Variants in IDI2 observed in about 807,000 individuals in gnomAD.
IDI2 encodes the protein isopentenyl-diphosphate delta isomerase 2.
A neutral mutation model predicts 14.8 loss-of-function variants in IDI2; 18 were observed. That is an observed-to-expected ratio of 1.22 (90% CI 0.84 to 1.80). The LOEUF (loss-of-function observed/expected upper bound fraction) is 1.80. Ranked by LOEUF, IDI2 falls within the 40% of genes most tolerant of loss-of-function variation. The pLI is 0.00. For synonymous variants in IDI2, 133 were observed against 109.6 expected, an observed-to-expected ratio of 1.21 and a Z score of -1.33; for missense variants, 316 against 283.2, an observed-to-expected ratio of 1.12 and a Z score of -0.83.
chr10:1,022,816 G>A (rs755114204), intron 2 of IDI2, 41 bp from the exon 3 acceptor site: 2 of 1,419,224 alleles, frequency 1.4e-6, no homozygotes, highest in Admixed American at 1.7e-5. Flanking sequence ...CATGCCTGGA[G>A]TCTGTACGAT....
chr10:1,019,450 A>G lies in IDI2; in HGVS notation c.*67T>C, dbSNP rs1832049471. The G allele has an allele frequency of 1.5e-6, 2 of 1,324,142 alleles. No homozygotes were observed. The allele number at this position is 1,324,142 out of a possible 1,614,324, so 82.0% of individuals were successfully genotyped here. A position where few individuals can be genotyped will look rare whatever the true frequency, so the allele number is the denominator to read the frequency against. ...CCCTGTTTTTTGGAGAGGGTGTATC[A>G]TTGCCTCAATGGTGCGTCTGCCTGC... is the stretch of plus-strand genomic sequence containing the variant. On this transcript the variant is annotated 3_prime_UTR_variant, in exon 5 of 5. Coordinates refer to ENST00000277517, the MANE Select transcript of IDI2 (RefSeq NM_033261.3).
In IDI2 at chr10:1,019,305, C is replaced by T. The variant is rs189984608; in HGVS notation, c.*212G>A. ...ACAAAGGAAATGTTAAATTTCCTCC[C>T]TGCAACCAGGCAGATGAGAAATATG... is the stretch of plus-strand genomic sequence containing the variant. On this transcript the variant is annotated 3_prime_UTR_variant, in exon 5 of 5. Coordinates refer to ENST00000277517, the MANE Select transcript of IDI2 (RefSeq NM_033261.3). 542 of 525,052 alleles carry T rather than the reference C, an allele frequency of 1.0e-3. 3 individuals are homozygous for T. The highest frequency in any genetic ancestry group is 9.6e-3 in the African/African-American group (505 of 52,394). The allele number at this position is 525,052 out of a possible 1,614,324, so 32.5% of individuals were successfully genotyped here. A position where few individuals can be genotyped will look rare whatever the true frequency, so the allele number is the denominator to read the frequency against.
chr10:1,022,527 T>G, intron 3 of IDI2, 156 bp downstream of exon 3: 1 of 602,838 alleles, frequency 1.7e-6, no homozygotes, highest in Admixed American at 2.5e-5. Flanking sequence ...GCTATCAGCA[T>G]AATTAGCATC....
chr10:1,019,466 G>A lies in IDI2; in HGVS notation c.*51C>T, dbSNP rs41260144. ...GGGTGTATCATTGCCTCAATGGTGC[G>A]TCTGCCTGCACTGAGGGCATTACAC... On this transcript the variant is annotated 3_prime_UTR_variant, in exon 5 of 5. Transcript: ENST00000277517. The A allele has an allele frequency of 2.5e-4, 366 of 1,453,576 alleles. 1 individual carries two copies. The highest frequency in any genetic ancestry group is 6.6e-4 in the South Asian group (51 of 77,276). The allele number at this position is 1,453,576 out of a possible 1,614,324, so 90.0% of individuals were successfully genotyped here. A position where few individuals can be genotyped will look rare whatever the true frequency, so the allele number is the denominator to read the frequency against.
intron 4 of IDI2, among the ~76,000 whole-genome samples, 161 bp downstream of exon 4, chr10:1,020,606 C>T (rs1564474228): frequency 6.6e-6 from 1 of 152,142 alleles, no homozygotes. Context: ...ATTCACAGCC[C>T]CATTCACAGC....
intron 3 of IDI2, among the ~76,000 whole-genome samples, chr10:1,022,387 A>G (rs1832125261): frequency 6.6e-6 from 1 of 152,198 alleles, no homozygotes; most frequent in Non-Finnish European, 1.5e-5. Flanking sequence ...TTAATCCCCT[A>G]AATCCTTAGG....
intron 1 of IDI2, among the ~76,000 whole-genome samples, chr10:1,025,267 C>T (rs1467767009): frequency 2.0e-5 from 3 of 152,154 alleles, no homozygotes; most frequent in South Asian, 2.1e-4. Flanking sequence ...GGGCCAGGAG[C>T]GGTGGCTCAC....
At chr10:1,019,878 A>G (rs1368705964) in intron 4 of IDI2, 44 bp from the exon 5 acceptor site, 1 of 1,327,576 alleles carries the variant, frequency 7.5e-7, no homozygotes, top group South Asian at 1.2e-5. Context: ...CTAATGTAAA[A>G]CACAGAATTT....
In IDI2 at chr10:1,020,825, C is replaced by G. The variant is rs745776697; in HGVS notation, c.308G>C (p.Gly103Ala). 3 of 1,614,034 alleles carry G rather than the reference C, an allele frequency of 1.9e-6. No individual in the cohort carries two copies. Among genetic ancestry groups the G allele is most frequent in the Admixed American group, 1.7e-5 (1 of 60,010 alleles). Reference sequence around the variant, plus strand: ...ACGCCTCTGGGCTGCCCTCCTCACTCCGATGGCATCCTTTTCTTCCAGTTC... The same window carrying G: ...ACGCCTCTGGGCTGCCCTCCTCACTGCGATGGCATCCTTTTCTTCCAGTTC... The part of the protein sequence containing the change: ...PAELEEKDAI[G>A]VRRAAQRRLQ... The change falls in exon 4 of 5, where the codon GGA becomes GCA. Residue 103 changes from glycine to alanine, a missense_variant. Gly to Ala is a moderately conservative substitution (Grantham distance 60). Coordinates refer to ENST00000277517, the MANE Select transcript of IDI2 (RefSeq NM_033261.3).
intron 4 of IDI2, 55 bp downstream of exon 4, chr10:1,020,712 C>CATTAAAATA: frequency 7.0e-7 from 1 of 1,429,162 alleles, no homozygotes; most frequent in Non-Finnish European, 9.2e-7. Flanking sequence ...TCACCGTCTG[C>CATTAAAATA]CCGCTGCCAA....
chr10:1,021,196 A>G (rs1244434560), intron 3 of IDI2, among the ~76,000 whole-genome samples: 1 of 152,028 alleles, frequency 6.6e-6, no homozygotes, highest in Non-Finnish European at 1.5e-5. Context: ...GTCTTAGGAG[A>G]GGGACTGGTT....
intron 3 of IDI2, 148 bp downstream of exon 3, chr10:1,022,535 A>C (rs567546724): frequency 3.2e-6 from 2 of 621,122 alleles, no homozygotes; most frequent in Non-Finnish European, 5.9e-6. Context: ...CATAATTAGC[A>C]TCTGCCTAAG....
Position 1,020,860 on chromosome 10 carries a change from G to T in IDI2, c.273C>A (p.Tyr91Ter), listed in dbSNP as rs762731455. The part of the protein sequence containing the change: ...FTDSCSSHPL[Y>*]NPAELEEKDA... ...CCTTTTCTTCCAGTTCTGCTGGGTT[G>T]TATAATGGGTGGCTACTACAGGAGT... Residue 91 changes from tyrosine (Y) to a stop codon, truncating the protein, a stop_gained, in exon 4 of 5, where the codon TAC becomes TAA. Transcript: ENST00000277517. LOFTEE classifies it high-confidence loss of function. 1 of 1,613,926 alleles carries T rather than the reference G, an allele frequency of 6.2e-7. No homozygotes were observed.
At chr10:1,020,712 C>CATTAACAAA in intron 4 of IDI2, 55 bp downstream of exon 4, 2 of 1,429,156 alleles carry the variant, frequency 1.4e-6, no homozygotes, top group Non-Finnish European at 1.8e-6. Flanking sequence ...TCACCGTCTG[C>CATTAACAAA]CCGCTGCCAA....
chr10:1,020,533 T>C (rs10903351), intron 4 of IDI2, among the ~76,000 whole-genome samples: 29,465 of 152,048 alleles, frequency 0.19, 2,939 homozygotes, highest in East Asian at 0.31. Context: ...CTGCACAGTC[T>C]CAACCCTGCC....
intron 4 of IDI2, among the ~76,000 whole-genome samples, chr10:1,020,513 C>A (rs944852648): frequency 6.6e-6 from 1 of 152,110 alleles, no homozygotes; most frequent in Non-Finnish European, 1.5e-5. Flanking sequence ...GGTGTGTGGT[C>A]GACAGATTCC....
rs766991301 is a variant in IDI2, at chr10:1,020,918, A to T, written c.236-21T>A. On this transcript the variant is annotated intron_variant, in intron 3 of 4. Transcript: ENST00000277517. ...ATACCCTGGAAAAAATGCATGTGGG[A>T]ACATCCCTCTTTATTCCTGAAAAGT... is the stretch of plus-strand genomic sequence containing the variant. 15 of 1,604,518 alleles carry T rather than the reference A, an allele frequency of 9.3e-6. No homozygotes were observed. The South Asian group carries it at 1.6e-4, about 17-fold the overall frequency.
At chr10:1,023,379 G>A (rs1463581611) in intron 2 of IDI2, among the ~76,000 whole-genome samples, 1 of 151,940 alleles carries the variant, frequency 6.6e-6, no homozygotes, top group Non-Finnish European at 1.5e-5. Context: ...GGGAGGCTGA[G>A]GCAGGAGAAT....
chr10:1,019,926 C>T (rs1325728802), intron 4 of IDI2, 92 bp from the exon 5 acceptor site: 2 of 998,104 alleles, frequency 2.0e-6, no homozygotes, highest in Non-Finnish European at 3.0e-6. Context: ...TTGTTTTCCT[C>T]AGAAAATGAA....
Sources: allele counts gnomAD v4.1 joint callset (sites outside exome capture counted in the v4.1 genomes callset), GRCh38; gene constraint gnomAD v4.1.1; transcripts MANE v1.5; gene names NCBI Gene and HGNC (gene_info 2026-07-23, HGNC 2026-07-21).